The following C7orf57 variants were observed in gnomAD, a reference collection of about 807,000 sequenced individuals.
C7orf57 encodes the protein uncharacterized protein C7orf57.
C7orf57 carries 33 observed loss-of-function variants against 39.0 expected under a neutral mutation model. The ratio of observed to expected loss-of-function variants is 0.85; its 90% CI spans 0.64 to 1.13. The LOEUF (loss-of-function observed/expected upper bound fraction) is 1.13, where lower values mean the gene tolerates loss of function less well. Among genes scored for constraint, C7orf57 ranks in the 50% most tolerant of loss-of-function variants. C7orf57 has a pLI of 0.00. For synonymous variants in C7orf57, 124 were observed against 137.1 expected (o/e 0.90, Z 0.67); for missense variants, 346 against 362.3 (o/e 0.95, Z 0.37).
intron 4 of C7orf57, among the ~76,000 whole-genome samples, chr7:48,043,854 C>T (rs566976962): frequency 6.6e-6 from 1 of 152,092 alleles, no homozygotes; most frequent in South Asian, 2.1e-4. Flanking sequence ...GTAGTGTTAC[C>T]GGCGGGTCTT....
rs377009657 is a variant in C7orf57, at chr7:48,049,995, G to T, written c.605+18G>T. Reference sequence around the variant, plus strand: ...CCCCCCGTGTAAGTGCTTGAGCTACGCCCTCACTGTCTGGACTGGGTTTGG... The same window carrying T: ...CCCCCCGTGTAAGTGCTTGAGCTACTCCCTCACTGTCTGGACTGGGTTTGG... On this transcript the variant is annotated intron_variant, in intron 6 of 8. Coordinates refer to ENST00000348904, the MANE Select transcript of C7orf57 (RefSeq NM_001100159.3). 1.8e-5 allele frequency: 28 copies of T among 1,539,530 alleles called. No homozygotes were observed. The African/African-American group carries it at 3.5e-4, about 19-fold the overall frequency.
intron 8 of C7orf57, among the ~76,000 whole-genome samples, chr7:48,057,739 AT>A (rs1020059280): frequency 6.6e-6 from 1 of 152,190 alleles, no homozygotes; most frequent in Non-Finnish European, 1.5e-5. Flanking sequence ...TGAATATCAT[AT>A]TAGCTGTGGG....
chr7:48,045,422 G>A (rs1189304081), intron 4 of C7orf57, among the ~76,000 whole-genome samples: 2 of 152,068 alleles, frequency 1.3e-5, no homozygotes, highest in Non-Finnish European at 2.9e-5. Context: ...CACACTCATG[G>A]CTTCTCTTAC....
intron 6 of C7orf57, 131 bp from the exon 7 acceptor site, chr7:48,052,569 A>AC: frequency 1.4e-6 from 1 of 707,866 alleles, no homozygotes; most frequent in African/African-American, 1.8e-5. Context: ...AGAGGGAAAG[A>AC]CAGAGAGAGA....
Position 48,046,707 on chromosome 7 carries a change from C to T in C7orf57, c.507+91C>T, listed in dbSNP as rs530144465. 7.1e-6 allele frequency: 10 copies of T among 1,404,636 alleles called. No homozygotes were observed. In the African/African-American group the frequency reaches 7.2e-5, roughly 10 times the overall value. The allele number at this position is 1,404,636 out of a possible 1,614,324, so 87.0% of individuals were successfully genotyped here. Reference sequence around the variant, plus strand: ...GTGCTGTGATGTTAGCTGCTGGTGGCGTCTTATGTTGCTCGTGGCATCGGC... The same window carrying T: ...GTGCTGTGATGTTAGCTGCTGGTGGTGTCTTATGTTGCTCGTGGCATCGGC... On this transcript the variant is annotated intron_variant, in intron 5 of 8. Transcript: ENST00000348904.
Position 48,035,997 on chromosome 7 carries a change from T to G in C7orf57, c.-101-211T>G, listed in dbSNP as rs1354724872. Among the ~76,000 whole-genome samples the G allele has an allele frequency of 1.3e-5, 2 of 151,856 alleles. No individual in the cohort carries two copies. The highest frequency in any genetic ancestry group is 2.9e-5 in the Non-Finnish European group (2 of 67,922). On this transcript the variant is annotated intron_variant, in intron 1 of 8. Coordinates refer to ENST00000348904, the MANE Select transcript of C7orf57 (RefSeq NM_001100159.3). This position sits in a 1 kb window ranked among gnomAD's most constrained non-coding sequence, Gnocchi z 4.0. ...GTACGTCCCTGCTGTGTACCCTGTG[T>G]GGACGTGCCCTGCTGTCTACCCGGC... is the stretch of plus-strand genomic sequence containing the variant.
At chr7:48,054,502 C>T (rs1025196099) in intron 7 of C7orf57, 93 bp from the exon 8 acceptor site, 11 of 965,018 alleles carry the variant, frequency 1.1e-5, no homozygotes, top group Non-Finnish European at 1.6e-5. Context: ...TTAAGTAATA[C>T]AGAATTTTCA....
At chr7:48,047,124 A>G (rs1341250166) in intron 5 of C7orf57, among the ~76,000 whole-genome samples, 1 of 152,178 alleles carries the variant, frequency 6.6e-6, no homozygotes, top group African/African-American at 2.4e-5. Flanking sequence ...TAAGAATGCA[A>G]TGGAGAAAGT....
At chr7:48,054,550 GATCTGT>G in intron 7 of C7orf57, 39 bp from the exon 8 acceptor site, 1 of 1,474,406 alleles carries the variant, frequency 6.8e-7, no homozygotes, top group East Asian at 2.5e-5. Flanking sequence ...TTTAATACTT[GATCTGT>G]TTCATTAACC....
Position 48,035,975 on chromosome 7 carries a change from C to G in C7orf57, c.-101-233C>G, listed in dbSNP as rs1289182161. Among the ~76,000 whole-genome samples the G allele has an allele frequency of 6.6e-6, 1 of 151,640 alleles. No individual in the cohort carries two copies. Among genetic ancestry groups the G allele is most frequent in the Non-Finnish European group, 1.5e-5 (1 of 67,898 alleles). ...CCCTGCTGTGTACCCGGAGTGCGTA[C>G]GTCCCTGCTGTGTACCCTGTGTGGA... On this transcript the variant is annotated intron_variant, in intron 1 of 8. Transcript: ENST00000348904. This position sits in a 1 kb window ranked among gnomAD's most constrained non-coding sequence, Gnocchi z 4.0.
At chr7:48,051,859 CTT>C (rs1227351470) in intron 6 of C7orf57, among the ~76,000 whole-genome samples, 2 of 62,406 alleles carry the variant, frequency 3.2e-5, no homozygotes, top group South Asian at 4.8e-4. Context: ...TTCTTTCTTT[CTT>C]TCTTTCTTTC....
In C7orf57 at chr7:48,036,338, C is replaced by A; in HGVS notation, c.30C>A (p.Gly10=). The A allele has an allele frequency of 1.3e-6, 2 of 1,589,888 alleles. No individual in the cohort carries two copies. The highest frequency in any genetic ancestry group is 1.7e-6 in the Non-Finnish European group (2 of 1,168,594). MRNTSKELQ[G]ATHRYAPCDW... ...GGAACACAAGCAAGGAACTTCAGGG[C>A]GCCACGCACCGCTACGCTCCCTGCG... The change falls in exon 2 of 9, where the codon GGC becomes GGA. Residue 10 remains glycine (G), a synonymous_variant. Transcript: ENST00000348904.
rs374151689 is a variant in C7orf57 at position 48,041,291 on chromosome 7, G to A, written c.56-43G>A. On this transcript the variant is annotated intron_variant, in intron 2 of 8. Transcript: ENST00000348904. ...CTGGTAGAGGCCTAGAGGCCACCCCGACACACAGCAACAGTGTGGCCCTCC... is the reference window on the plus strand; with the variant it reads ...CTGGTAGAGGCCTAGAGGCCACCCCAACACACAGCAACAGTGTGGCCCTCC... 1.2e-4 allele frequency: 183 copies of A among 1,562,028 alleles called. 2 individuals are homozygous for A. The highest frequency in any genetic ancestry group is 4.2e-4 in the Admixed American group (23 of 54,856).
chr7:48,040,257 C>T (rs1301096804), intron 2 of C7orf57, among the ~76,000 whole-genome samples: 1 of 152,220 alleles, frequency 6.6e-6, no homozygotes, highest in Non-Finnish European at 1.5e-5. Flanking sequence ...GTCCACAGCA[C>T]CTTTCTGCAT....
rs771443864 is a variant in C7orf57, at chr7:48,052,875, G to T, written c.781G>T (p.Ala261Ser). The part of the protein sequence containing the change: ...PRDLEGPQDA[A>S]RLQDAEASEG... ...AGACCTGGAAGGTCCCCAGGATGCAGCCAGGCTCCAGGATGCAGAGGCTTC... is the reference window on the plus strand; with the variant it reads ...AGACCTGGAAGGTCCCCAGGATGCATCCAGGCTCCAGGATGCAGAGGCTTC... The change falls in exon 7 of 9, where the codon GCC becomes TCC. Residue 261 changes from alanine to serine, a missense_variant. By Grantham distance (99) the Ala-to-Ser change is moderately conservative. Coordinates refer to ENST00000348904, the MANE Select transcript of C7orf57 (RefSeq NM_001100159.3). 8.7e-6 allele frequency: 14 copies of T among 1,613,852 alleles called. No individual in the cohort carries two copies. The Admixed American group carries it at 1.2e-4, about 13-fold the overall frequency.
Position 48,043,483 on chromosome 7 carries a change from T to C in C7orf57, c.244T>C (p.Leu82=), listed in dbSNP as rs1163124467. The C allele has an allele frequency of 3.1e-6, 5 of 1,613,140 alleles. No homozygotes were observed. The highest frequency in any genetic ancestry group is 2.2e-5 in the East Asian group (1 of 44,844). ...KLAKQGGRPD[L]LKHFAPGTRK... is the part of the protein sequence containing the mutation. ...GCCATGTCATTTTCTCTTTTGAGAT[T>C]TGTTGAAGCACTTTGCCCCTGGAAC... The change falls in exon 4 of 9, where the codon TTG becomes CTG. Residue 82 remains leucine (L), a splice_region_variant and synonymous_variant. Transcript: ENST00000348904.
At chr7:48,049,522 G>A (rs139079060) in intron 5 of C7orf57, among the ~76,000 whole-genome samples, 1 of 152,278 alleles carries the variant, frequency 6.6e-6, no homozygotes, top group Non-Finnish European at 1.5e-5. Context: ...CATCTGGGTT[G>A]TTTCCAGTTC....
intron 2 of C7orf57, among the ~76,000 whole-genome samples, chr7:48,037,968 C>T (rs951034564): frequency 7.9e-5 from 12 of 152,064 alleles, no homozygotes; most frequent in Non-Finnish European, 1.3e-4. Context: ...AAACACAGAG[C>T]GGAAAAATAA....
Position 48,036,162 on chromosome 7 carries a change from G to T in C7orf57, c.-101-46G>T. The T allele has an allele frequency of 1.8e-5, 14 of 768,428 alleles. 1 individual carries two copies. The South Asian group carries it at 2.1e-4, about 12-fold the overall frequency. 47.6% of individuals were successfully genotyped at this position (768,428 alleles called of 1,614,324 possible). ...GCGCCTGCAGGCGTGTCAGGGCGAG[G>T]CGTACAGACCGACCCAGAGCGGGCG... On this transcript the variant is annotated intron_variant, in intron 1 of 8. Coordinates refer to ENST00000348904, the MANE Select transcript of C7orf57 (RefSeq NM_001100159.3).
Sources: gnomAD v4.1 joint callset for allele counts (sites outside exome capture counted in the v4.1 genomes callset) on GRCh38, gnomAD v4.1.1 for gene constraint, Gnocchi (gnomAD v3.1) non-coding constraint, MANE v1.5 for transcripts, NCBI Gene and HGNC (gene_info 2026-07-23, HGNC 2026-07-21) for gene names.